NLGN1: variants seen among roughly 807,000 people sequenced by gnomAD.
The protein encoded by NLGN1 is neuroligin 1.
In NLGN1, 12 loss-of-function variants were observed where a neutral mutation model predicts 65.5. The ratio of observed to expected loss-of-function variants is 0.18; its 90% CI spans 0.12 to 0.30. The LOEUF (loss-of-function observed/expected upper bound fraction) is 0.30, where lower values mean the gene tolerates loss of function less well. Among genes scored for constraint, NLGN1 ranks in the 10% least tolerant of loss-of-function variants. The pLI is 1.00. For synonymous variants in NLGN1, 350 were observed against 359.5 expected (o/e 0.97, Z 0.30); for missense variants, 750 against 1,007.1 (o/e 0.74, Z 3.46).
intron 4 of NLGN1, among the ~76,000 whole-genome samples, chr3:173,917,782 C>T (rs1429081956): frequency 6.6e-6 from 1 of 151,790 alleles, no homozygotes; most frequent in Non-Finnish European, 1.5e-5. Flanking sequence ...ATCCATGACA[C>T]GATGAAATAT....
chr3:173,497,141 T>C (rs1351045815), intron 2 of NLGN1, among the ~76,000 whole-genome samples: 1 of 151,906 alleles, frequency 6.6e-6, no homozygotes, highest in African/African-American at 2.4e-5. Context: ...CCCAGCACTT[T>C]GGGAGGCCAA....
At chr3:174,100,548 G>A (rs961618024) in intron 4 of NLGN1, among the ~76,000 whole-genome samples, 1 of 151,860 alleles carries the variant, frequency 6.6e-6, no homozygotes, top group African/African-American at 2.4e-5. Context: ...TCTGCTTGAT[G>A]TATAACCCAA....
chr3:174,086,195 G>T (rs1743203358), intron 4 of NLGN1, among the ~76,000 whole-genome samples: 1 of 61,970 alleles, frequency 1.6e-5, no homozygotes, highest in African/African-American at 7.9e-5. Context: ...GTGTGTGTGT[G>T]TGTGTGTGTG....
chr3:173,799,265 G>A (rs997281174), intron 3 of NLGN1, among the ~76,000 whole-genome samples: 1 of 151,914 alleles, frequency 6.6e-6, no homozygotes, highest in African/African-American at 2.4e-5. Flanking sequence ...AAATTAAATG[G>A]TTGTGGAAAC....
intron 4 of NLGN1, among the ~76,000 whole-genome samples, chr3:174,269,969 C>G (rs1367980635): frequency 6.6e-6 from 1 of 151,606 alleles, no homozygotes; most frequent in Non-Finnish European, 1.5e-5. Context: ...TATATCATCT[C>G]TTTGAAGAAA....
At chr3:174,185,898 T>A (rs1731315596) in intron 4 of NLGN1, among the ~76,000 whole-genome samples, 1 of 152,218 alleles carries the variant, frequency 6.6e-6, no homozygotes, top group Admixed American at 6.6e-5. Flanking sequence ...TCCACTATTT[T>A]ATACTGTCTT....
chr3:174,098,536 A>G (rs1338026778), intron 4 of NLGN1, among the ~76,000 whole-genome samples: 1 of 152,164 alleles, frequency 6.6e-6, no homozygotes, highest in East Asian at 1.9e-4. Flanking sequence ...GAAAATAAAT[A>G]GACATTGGAT....
chr3:173,544,648 G>A (rs1739462154), intron 2 of NLGN1, among the ~76,000 whole-genome samples: 1 of 151,916 alleles, frequency 6.6e-6, no homozygotes, highest in Non-Finnish European at 1.5e-5. Context: ...TGAAAAGAAA[G>A]ACCATTATAA....
At chr3:173,445,272 A>AG (rs1720015980) in intron 2 of NLGN1, among the ~76,000 whole-genome samples, 1 of 130,002 alleles carries the variant, frequency 7.7e-6, no homozygotes, top group Non-Finnish European at 1.8e-5. Flanking sequence ...CGTCTCAAAA[A>AG]AAAAAAAAAA....
chr3:173,765,616 A>G (rs1778671327), intron 3 of NLGN1, among the ~76,000 whole-genome samples: 1 of 152,158 alleles, frequency 6.6e-6, no homozygotes. Context: ...TCTTAAAGCC[A>G]TACATCCCAT....
chr3:173,886,586 A>G lies in NLGN1; in HGVS notation c.646+78754A>G, dbSNP rs529410905. Among the ~76,000 whole-genome samples the G allele has an allele frequency of 8.5e-5, 13 of 152,240 alleles. No homozygotes were observed. The East Asian group carries it at 2.5e-3, about 29-fold the overall frequency. ...ACAGCTCTTAAATTATAAACTGAGA[A>G]CTTATACTATATATAAGGCAAAATA... On this transcript the variant is annotated intron_variant, in intron 4 of 6. Coordinates refer to ENST00000457714, the Ensembl canonical transcript of NLGN1.
At chr3:173,841,909 T>TATA (rs1180901094) in intron 4 of NLGN1, among the ~76,000 whole-genome samples, 20 of 152,094 alleles carry the variant, frequency 1.3e-4, no homozygotes, top group African/African-American at 4.6e-4. Flanking sequence ...TCTCAAAAGG[T>TATA]TAAGAAATAT....
chr3:173,536,414 T>C (rs559487942), intron 2 of NLGN1, among the ~76,000 whole-genome samples: 2 of 152,218 alleles, frequency 1.3e-5, no homozygotes, highest in South Asian at 2.1e-4. Flanking sequence ...CATCAATACC[T>C]GGGGGAAAAA....
At chr3:173,578,180 G>T (rs1254179000) in intron 2 of NLGN1, among the ~76,000 whole-genome samples, 2 of 151,138 alleles carry the variant, frequency 1.3e-5, no homozygotes, top group Non-Finnish European at 2.9e-5. Context: ...AGTTTGCAGT[G>T]AGCTGAGATC....
intron 4 of NLGN1, among the ~76,000 whole-genome samples, chr3:173,845,595 G>A (rs1253277576): frequency 4.8e-5 from 7 of 146,276 alleles, no homozygotes; most frequent in Non-Finnish European, 1.0e-4. Context: ...TAGACAGATA[G>A]GTAGGTGGAT....
At chr3:174,217,434 A>G (rs1403413598) in intron 4 of NLGN1, among the ~76,000 whole-genome samples, 1 of 152,120 alleles carries the variant, frequency 6.6e-6, no homozygotes, top group Non-Finnish European at 1.5e-5. Flanking sequence ...TTTATTTCTC[A>G]CAGTTCTAGA....
At chr3:173,800,445 G>C (rs1381010424) in intron 3 of NLGN1, 7 of 339,614 alleles carry the variant, frequency 2.1e-5, no homozygotes, top group Non-Finnish European at 1.0e-5. Context: ...TTTTTTTGAA[G>C]AGTTGTTTTT....
intron 4 of NLGN1, among the ~76,000 whole-genome samples, chr3:173,878,821 G>C (rs113955653): frequency 0.02 from 3,025 of 152,060 alleles, 101 homozygotes; most frequent in African/African-American, 0.069. Context: ...ATATTTCGTA[G>C]GATAAATTCC....
At chr3:174,196,887 A>G (rs1423711974) in intron 4 of NLGN1, among the ~76,000 whole-genome samples, 2 of 152,226 alleles carry the variant, frequency 1.3e-5, no homozygotes, top group East Asian at 3.9e-4. Flanking sequence ...CTCTGTAAGA[A>G]CCATTATTAT....
Sources: gnomAD v4.1 joint callset for allele counts (sites outside exome capture counted in the v4.1 genomes callset) on GRCh38, gnomAD v4.1.1 for gene constraint, MANE v1.5 for transcripts, NCBI Gene and HGNC (gene_info 2026-07-23, HGNC 2026-07-21) for gene names.